LRRTM4: variants seen among roughly 807,000 people sequenced by gnomAD.
The protein encoded by LRRTM4 is leucine rich repeat transmembrane neuronal 4, also known as leucine-rich repeat transmembrane neuronal protein 4.
A neutral mutation model predicts 47.6 loss-of-function variants in LRRTM4; 25 were observed. That is an observed-to-expected ratio of 0.53 (90% CI 0.38 to 0.73). LRRTM4 has a LOEUF of 0.73. Ranked by LOEUF, LRRTM4 falls within the 30% of genes least tolerant of loss-of-function variation. The pLI is 0.00. For missense variants in LRRTM4, 638 were observed against 713.4 expected, an observed-to-expected ratio of 0.89 and a Z score of 1.20; for synonymous variants, 311 against 269.5, an observed-to-expected ratio of 1.15 and a Z score of -1.51.
At chr2:76,875,820 A>G (rs1672761952) in intron 3 of LRRTM4, among the ~76,000 whole-genome samples, 1 of 152,130 alleles carries the variant, frequency 6.6e-6, no homozygotes, top group Non-Finnish European at 1.5e-5. Flanking sequence ...AATGAAAACT[A>G]TTCTTTCAAA....
At chr2:77,437,412 C>T (rs889564901) in intron 3 of LRRTM4, among the ~76,000 whole-genome samples, 2 of 151,976 alleles carry the variant, frequency 1.3e-5, no homozygotes, top group Admixed American at 6.6e-5. Flanking sequence ...CTCAACCCCA[C>T]TGACTTTTTA....
intron 3 of LRRTM4, among the ~76,000 whole-genome samples, chr2:77,383,699 C>A (rs1037276239): frequency 6.6e-6 from 1 of 152,036 alleles, no homozygotes; most frequent in Non-Finnish European, 1.5e-5. Flanking sequence ...ATGAAAAAAA[C>A]TGAGACCCAG....
intron 3 of LRRTM4, among the ~76,000 whole-genome samples, chr2:76,755,577 A>G (rs996643615): frequency 1.3e-5 from 2 of 152,200 alleles, no homozygotes; most frequent in African/African-American, 4.8e-5. Context: ...CAGCTATAGA[A>G]AAAACTGGAG....
chr2:77,217,994 TA>T (rs1322656354), intron 3 of LRRTM4, among the ~76,000 whole-genome samples: 1 of 152,198 alleles, frequency 6.6e-6, no homozygotes, highest in East Asian at 1.9e-4. Context: ...TTTTTTATTT[TA>T]TTTTTTTTGA....
chr2:77,341,577 C>T (rs1050303817), intron 3 of LRRTM4, among the ~76,000 whole-genome samples: 3 of 151,992 alleles, frequency 2.0e-5, no homozygotes, highest in Admixed American at 6.6e-5. Context: ...TTGTGCCCTA[C>T]GAGACAAGAA....
intron 3 of LRRTM4, among the ~76,000 whole-genome samples, chr2:77,192,236 C>A (rs898384458): frequency 1.3e-5 from 2 of 151,978 alleles, no homozygotes; most frequent in Non-Finnish European, 2.9e-5. Context: ...TCAATTTCAG[C>A]AAAATAAAGA....
intron 3 of LRRTM4, among the ~76,000 whole-genome samples, chr2:76,958,533 G>A (rs1675752115): frequency 6.6e-6 from 1 of 151,730 alleles, no homozygotes; most frequent in Non-Finnish European, 1.5e-5. Flanking sequence ...TATTTAAAAA[G>A]TAAACAGCAT....
chr2:77,021,529 T>C (rs765615396), intron 3 of LRRTM4, among the ~76,000 whole-genome samples: 1 of 152,198 alleles, frequency 6.6e-6, no homozygotes, highest in Non-Finnish European at 1.5e-5. Flanking sequence ...TAAGTGATTA[T>C]ACATCTAGGC....
chr2:76,849,813 A>T (rs1473455750), intron 3 of LRRTM4, among the ~76,000 whole-genome samples: 1 of 152,160 alleles, frequency 6.6e-6, no homozygotes, highest in Non-Finnish European at 1.5e-5. Context: ...GCAATCTCTT[A>T]GAAGTTGAAG....
intron 3 of LRRTM4, among the ~76,000 whole-genome samples, chr2:76,783,247 G>T (rs1272038754): frequency 1.3e-5 from 2 of 152,056 alleles, no homozygotes; most frequent in Non-Finnish European, 2.9e-5. Flanking sequence ...TTTTCATCAG[G>T]TTACGTTGGT....
chr2:77,048,542 A>C (rs1019320003), intron 3 of LRRTM4, among the ~76,000 whole-genome samples: 3 of 152,130 alleles, frequency 2.0e-5, no homozygotes, highest in African/African-American at 7.2e-5. Context: ...TTCTAAATAA[A>C]AATTCTATTG....
At chr2:77,188,236 T>G (rs1259771271) in intron 3 of LRRTM4, among the ~76,000 whole-genome samples, 1 of 152,172 alleles carries the variant, frequency 6.6e-6, no homozygotes, top group Non-Finnish European at 1.5e-5. Flanking sequence ...GAGACTACAC[T>G]CATCTCTTGT....
At chr2:77,296,664 A>G (rs1447030718) in intron 3 of LRRTM4, among the ~76,000 whole-genome samples, 2 of 152,192 alleles carry the variant, frequency 1.3e-5, no homozygotes, top group African/African-American at 4.8e-5. Context: ...CAAAATAACA[A>G]CATCATCATT....
chr2:76,875,853 G>C (rs1323426446), intron 3 of LRRTM4, among the ~76,000 whole-genome samples: 1 of 152,142 alleles, frequency 6.6e-6, no homozygotes, highest in South Asian at 2.1e-4. Flanking sequence ...TTGTGGGACT[G>C]GGGACAACTG....
intron 3 of LRRTM4, among the ~76,000 whole-genome samples, chr2:77,213,438 C>T (rs1274216452): frequency 1.3e-5 from 2 of 151,996 alleles, no homozygotes; most frequent in Non-Finnish European, 2.9e-5. Context: ...GTAATAATAA[C>T]CCCTCATAGA....
chr2:77,418,792 A>C (rs1271943544), intron 3 of LRRTM4, among the ~76,000 whole-genome samples: 1 of 152,154 alleles, frequency 6.6e-6, no homozygotes, highest in Non-Finnish European at 1.5e-5. Flanking sequence ...TCACTTTGTT[A>C]AAAAGATCTT....
At chr2:77,287,435 C>CA (rs1350845461) in intron 3 of LRRTM4, among the ~76,000 whole-genome samples, 1 of 151,716 alleles carries the variant, frequency 6.6e-6, no homozygotes. Context: ...ATTAGATATT[C>CA]AAAATCTTAT....
intron 3 of LRRTM4, among the ~76,000 whole-genome samples, chr2:77,070,614 T>C (rs1236180233): frequency 6.6e-6 from 1 of 152,088 alleles, no homozygotes; most frequent in African/African-American, 2.4e-5. Flanking sequence ...GTTATAAAGT[T>C]GATTTTTTTG....
At chr2:76,805,549 A>G (rs1191715600) in intron 3 of LRRTM4, among the ~76,000 whole-genome samples, 2 of 152,294 alleles carry the variant, frequency 1.3e-5, no homozygotes, top group Non-Finnish European at 1.5e-5. Context: ...TACTGAAAAT[A>G]TATTAAATTC....
Sources: allele counts gnomAD v4.1 joint callset (sites outside exome capture counted in the v4.1 genomes callset), GRCh38; gene constraint gnomAD v4.1.1; transcripts MANE v1.5; gene names NCBI Gene and HGNC (gene_info 2026-07-23, HGNC 2026-07-21).